Variants in PREX2 observed in about 807,000 individuals in gnomAD.
PREX2 encodes the protein phosphatidylinositol-3,4,5-trisphosphate dependent Rac exchange factor 2.
Under a neutral mutation model 203.2 loss-of-function variants are expected in PREX2, and 107 were observed. The observed-to-expected ratio is 0.53, with a 90% confidence interval of 0.45 to 0.62. The LOEUF is 0.62. PREX2 is among the 20% of genes least tolerant of loss of function. The probability of loss-of-function intolerance (pLI) is 0.00; values close to 1 mark genes in which losing one functional copy is unlikely to be tolerated. For synonymous variants in PREX2, 672 were observed against 663.6 expected, an observed-to-expected ratio of 1.01 and a Z score of -0.19; for missense variants, 1,777 against 1,955.9, an observed-to-expected ratio of 0.91 and a Z score of 1.72.
Position 68,236,711 on chromosome 8 carries a change from G to T in PREX2, c.*5333G>T, listed in dbSNP as rs1157577307. On this transcript the variant is annotated 3_prime_UTR_variant, in exon 40 of 40. Transcript: ENST00000288368. ...ATTTTTATAAGTACTCATTTACATA[G>T]TATTCATTATTTTAAATGACAAAAT... The T allele has an allele frequency of 6.6e-6, 1 of 152,036 alleles. No individual in the cohort carries two copies. Among genetic ancestry groups the T allele is most frequent in the Non-Finnish European group, 1.5e-5 (1 of 67,960 alleles). 9.4% of individuals were successfully genotyped at this position (152,036 alleles called of 1,614,324 possible).
At chr8:67,999,246 A>G (rs1806861165) in intron 1 of PREX2, among the ~76,000 whole-genome samples, 1 of 152,036 alleles carries the variant, frequency 6.6e-6, no homozygotes, top group Non-Finnish European at 1.5e-5. Flanking sequence ...TAAAGAAGGA[A>G]AGAGAGAAGA....
intron 15 of PREX2, among the ~76,000 whole-genome samples, chr8:68,078,924 C>T (rs946277403): frequency 6.6e-6 from 1 of 152,012 alleles, no homozygotes; most frequent in Non-Finnish European, 1.5e-5. Flanking sequence ...TTATTGATGC[C>T]CTATCATGCT....
Position 68,109,478 on chromosome 8 carries a change from C to T in PREX2, c.3001C>T (p.Leu1001=), listed in dbSNP as rs375906058. 38 of 1,614,062 alleles carry T rather than the reference C, an allele frequency of 2.4e-5. No individual in the cohort carries two copies. The highest frequency in any genetic ancestry group is 3.2e-5 in the Non-Finnish European group (38 of 1,179,936). The change falls in exon 25 of 40, where the codon CTG becomes TTG. Residue 1001 remains leucine (L), a synonymous_variant. Transcript: ENST00000288368. The stretch of plus-strand genomic sequence containing the variant: ...CACAACCATGGCGGCCCCTTCAGGT[C>T]TGTCTCTGGGACAGCAGGATGGCCA... ...TITTMAAPSG[L]SLGQQDGHGL...
chr8:68,022,040 A>G lies in PREX2; in HGVS notation c.341A>G (p.Asp114Gly), dbSNP rs768475993. ...EVGTCFLHFK[D>G]KFRIYDEYCS... is the part of the protein sequence containing the mutation. ...TATTCTTACATGAATTCACAGAAAG[A>G]CAAGTTTCGTATCTATGATGAATAT... Residue 114 changes from aspartate to glycine, a missense_variant, in exon 4 of 40, where the codon GAC becomes GGC. Physicochemically the swap from Asp to Gly is moderately conservative, Grantham distance 94. Coordinates refer to ENST00000288368, the MANE Select transcript of PREX2 (RefSeq NM_024870.4). 1.4e-6 allele frequency: 2 copies of G among 1,430,232 alleles called. No homozygotes were observed. The highest frequency in any genetic ancestry group is 1.2e-5 in the South Asian group (1 of 86,884). The allele number at this position is 1,430,232 out of a possible 1,614,324, so 88.6% of individuals were successfully genotyped here.
chr8:68,209,227 T>C (rs764015905), intron 37 of PREX2, among the ~76,000 whole-genome samples: 3 of 152,176 alleles, frequency 2.0e-5, no homozygotes, highest in Non-Finnish European at 4.4e-5. Context: ...TAGTCATTAT[T>C]CCTTTCTAAA....
chr8:68,022,299 G>A (rs1213789551), intron 4 of PREX2, among the ~76,000 whole-genome samples, 159 bp downstream of exon 4: 2 of 152,128 alleles, frequency 1.3e-5, no homozygotes, highest in Non-Finnish European at 2.9e-5. Flanking sequence ...AAAAGTGAGA[G>A]CTGGGATCAG....
chr8:68,163,826 A>G (rs1214840255), intron 35 of PREX2, among the ~76,000 whole-genome samples: 1 of 152,156 alleles, frequency 6.6e-6, no homozygotes, highest in African/African-American at 2.4e-5. Context: ...CTCCCAAGGA[A>G]ATGAGTAGTG....
rs1252740457 is a variant in PREX2 at position 68,194,310 on chromosome 8, CAAAT to C, written c.4604+1791_4604+1794del. Among the ~76,000 whole-genome samples, 8 of 152,032 alleles carry C rather than the reference CAAAT, an allele frequency of 5.3e-5. No individual in the cohort carries two copies. The East Asian group carries it at 1.5e-3, about 29-fold the overall frequency. ...GGGGGGAAACGGTTGATAAAGTAAA[CAAAT>C]AAATATGTAATGTGGCAAGTGGAAT... is the stretch of plus-strand genomic sequence containing the variant. On this transcript the variant is annotated intron_variant, in intron 37 of 39. Transcript: ENST00000288368.
chr8:68,081,293 A>C (rs1318436232), intron 17 of PREX2, among the ~76,000 whole-genome samples: 1 of 152,114 alleles, frequency 6.6e-6, no homozygotes, highest in African/African-American at 2.4e-5. Context: ...GGCTGACTTG[A>C]CAGGAGGTGG....
chr8:68,108,320 C>A lies in PREX2; in HGVS notation c.2927C>A (p.Ser976Tyr). 1.2e-6 allele frequency: 2 copies of A among 1,613,026 alleles called. No homozygotes were observed. The highest frequency in any genetic ancestry group is 8.5e-7 in the Non-Finnish European group (1 of 1,179,260). The change falls in exon 24 of 40, where the codon TCT (serine) becomes TAT (tyrosine). Residue 976 changes from serine (S) to tyrosine (Y), a missense_variant. Coordinates refer to ENST00000288368, the MANE Select transcript of PREX2 (RefSeq NM_024870.4). ...KHNSHDKENK[S>Y]SEQGKLSPMV... ...AATTCTCATGATAAAGAAAACAAAT[C>A]TTCGGAGCAAGGTATGCTAGCTTTT...
intron 35 of PREX2, among the ~76,000 whole-genome samples, chr8:68,186,995 T>A (rs1054897351): frequency 4.6e-5 from 7 of 152,136 alleles, no homozygotes; most frequent in African/African-American, 1.7e-4. Context: ...ATCAACATGA[T>A]CTAAACAGCT....
In PREX2 at chr8:67,955,970, T is replaced by C. The variant is rs73254072; in HGVS notation, c.141+3435T>C. Among the ~76,000 whole-genome samples, 1,058 of 152,326 alleles carry C rather than the reference T, an allele frequency of 6.9e-3. 19 individuals are homozygous for C. The highest frequency in any genetic ancestry group is 0.024 in the African/African-American group (985 of 41,582). On this transcript the variant is annotated intron_variant, in intron 1 of 39. Transcript: ENST00000288368. ...CAGAAACATGATTTAAATCAGGTAT[T>C]GAGGTATTAAAGACTTTGCATGCAC...
rs371478796 is a variant in PREX2, at chr8:67,967,064, A to G, written c.141+14529A>G. On this transcript the variant is annotated intron_variant, in intron 1 of 39. Coordinates refer to ENST00000288368, the MANE Select transcript of PREX2 (RefSeq NM_024870.4). ...TTTTATGTAAGATGAAAAAGCAGGCATTCACTCTTTTCTGTCACTCTTCTT... is the reference window on the plus strand; with the variant it reads ...TTTTATGTAAGATGAAAAAGCAGGCGTTCACTCTTTTCTGTCACTCTTCTT... 9.4e-4 allele frequency among the ~76,000 whole-genome samples: 144 copies of G among 152,388 alleles called. 1 individual carries two copies. The highest frequency in any genetic ancestry group is 3.3e-3 in the African/African-American group (137 of 41,602).
chr8:68,146,036 G>A (rs1217555068), intron 33 of PREX2, among the ~76,000 whole-genome samples, 173 bp from the exon 34 acceptor site: 1 of 152,012 alleles, frequency 6.6e-6, no homozygotes, highest in African/African-American at 2.4e-5. Flanking sequence ...ATTGAGAACT[G>A]ATTTAATACT....
At chr8:68,026,265 G>A (rs541268699) in intron 4 of PREX2, among the ~76,000 whole-genome samples, 4 of 152,154 alleles carry the variant, frequency 2.6e-5, no homozygotes, top group African/African-American at 9.6e-5. Flanking sequence ...GCAGAAAATT[G>A]TTCTGCTACT....
chr8:68,007,281 T>A (rs2129609887), intron 1 of PREX2, among the ~76,000 whole-genome samples: 1 of 152,368 alleles, frequency 6.6e-6, no homozygotes, highest in South Asian at 2.1e-4. Context: ...CTTGAATTTG[T>A]AAGAAAATGC....
At chr8:68,014,877 C>G (rs932488337) in intron 1 of PREX2, among the ~76,000 whole-genome samples, 2 of 152,192 alleles carry the variant, frequency 1.3e-5, no homozygotes, top group East Asian at 3.8e-4. Context: ...CTAAATTAAT[C>G]TGCTGAGTCA....
chr8:68,211,181 G>A (rs1327916189), intron 37 of PREX2, among the ~76,000 whole-genome samples: 1 of 151,892 alleles, frequency 6.6e-6, no homozygotes, highest in Non-Finnish European at 1.5e-5. Context: ...ACAAACACCT[G>A]AAAAAACAAT....
intron 18 of PREX2, 46 bp downstream of exon 18, chr8:68,083,434 ATAAG>A: frequency 7.1e-7 from 1 of 1,409,992 alleles, no homozygotes; most frequent in South Asian, 1.3e-5. Flanking sequence ...TTATACATAG[ATAAG>A]TAACACAGAA....
Sources: gnomAD v4.1 joint callset for allele counts (sites outside exome capture counted in the v4.1 genomes callset) on GRCh38, gnomAD v4.1.1 for gene constraint, MANE v1.5 for transcripts, NCBI Gene and HGNC (gene_info 2026-07-23, HGNC 2026-07-21) for gene names.